Variants in ACSM2B observed in about 807,000 individuals in gnomAD.
ACSM2B encodes acyl-coenzyme A synthetase ACSM2B, mitochondrial.
A neutral mutation model predicts 78.6 loss-of-function variants in ACSM2B; 58 were observed. The observed-to-expected ratio is 0.74, with a 90% confidence interval of 0.60 to 0.92. The LOEUF (loss-of-function observed/expected upper bound fraction) is 0.92. ACSM2B is among the 40% of genes least tolerant of loss of function. The pLI, the probability that ACSM2B is intolerant of heterozygous loss-of-function variation, is 0.00. For missense variants in ACSM2B, 688 were observed against 711.2 expected, an observed-to-expected ratio of 0.97 and a Z score of 0.37; for synonymous variants, 257 against 256.8, an observed-to-expected ratio of 1.00 and a Z score of -0.01.
chr16:20,573,980 C>G (rs1348381946), intron 1 of ACSM2B: 32 of 151,594 alleles, frequency 2.1e-4, no homozygotes, highest in Admixed American at 1.3e-4. Context: ...ACCACTCTGA[C>G]TAGAATTTAC....
rs369786645 is a variant in ACSM2B at position 20,548,032 on chromosome 16, A to C, written c.1098+30T>G. 1.7e-4 allele frequency: 266 copies of C among 1,610,584 alleles called. 3 individuals are homozygous for C. Among genetic ancestry groups the C allele is most frequent in the African/African-American group, 1.5e-3 (116 of 74,842 alleles). ...GAATTTTGAAGCCCAAAAAGTGCAC[A>C]CAGCCCATGGTTCCCCTGGGAACAG... is the stretch of plus-strand genomic sequence containing the variant. On this transcript the variant is annotated intron_variant, in intron 8 of 13. Coordinates refer to ENST00000329697, the MANE Select transcript of ACSM2B (RefSeq NM_001105069.2).
At position 20,570,796 on chromosome 16, in the gene ACSM2B, C is replaced by G. The variant is rs151176728; in HGVS notation, c.-9+5411G>C. On this transcript the variant is annotated intron_variant, in intron 1 of 13. Coordinates refer to ENST00000329697, the MANE Select transcript of ACSM2B (RefSeq NM_001105069.2). ...GCTTTCTAATTCTTCCTGATTTAAG[C>G]TAGGAGGGTTGTATCTTCCCAAGAA... is the stretch of plus-strand genomic sequence containing the variant. 7.5e-3 allele frequency among the ~76,000 whole-genome samples: 1,138 copies of G among 151,912 alleles called. 12 individuals are homozygous for G. The highest frequency in any genetic ancestry group is 0.021 in the East Asian group (106 of 5,166).
At chr16:20,543,343 T>C (rs1342807457) in intron 10 of ACSM2B, 81 bp from the exon 11 acceptor site, 6 of 1,602,670 alleles carry the variant, frequency 3.7e-6, no homozygotes, top group South Asian at 1.1e-5. Flanking sequence ...ACAAATGCTA[T>C]GAGTCTTATT....
intron 5 of ACSM2B, among the ~76,000 whole-genome samples, chr16:20,553,255 C>T (rs1459005757): frequency 3.9e-5 from 6 of 152,144 alleles, no homozygotes; most frequent in African/African-American, 1.4e-4. Flanking sequence ...TGCTTGAATA[C>T]CTTGGCACAG....
chr16:20,567,255 A>G (rs1349070114), intron 1 of ACSM2B, among the ~76,000 whole-genome samples: 1 of 128,038 alleles, frequency 7.8e-6, no homozygotes, highest in African/African-American at 3.0e-5. Flanking sequence ...TATATAATAT[A>G]TAATATATAG....
chr16:20,544,466 A>G (rs1353354080), intron 10 of ACSM2B: 3 of 669,846 alleles, frequency 4.5e-6, no homozygotes, highest in Non-Finnish European at 5.5e-6. Context: ...TTTAAAAATT[A>G]AATGTGTTTA....
At chr16:20,568,103 T>G (rs1161371552) in intron 1 of ACSM2B, among the ~76,000 whole-genome samples, 1 of 143,344 alleles carries the variant, frequency 7.0e-6, no homozygotes, top group Non-Finnish European at 1.5e-5. Context: ...CAGAAGATGA[T>G]ATATATATAC....
intron 1 of ACSM2B, among the ~76,000 whole-genome samples, chr16:20,569,360 G>A (rs1464995296): frequency 6.6e-6 from 1 of 151,914 alleles, no homozygotes; most frequent in East Asian, 1.9e-4. Flanking sequence ...CTTTGTCGAA[G>A]ATAAGTTGAC....
At chr16:20,561,262 T>C (rs558067294) in intron 2 of ACSM2B, among the ~76,000 whole-genome samples, 2 of 151,890 alleles carry the variant, frequency 1.3e-5, no homozygotes, top group East Asian at 3.9e-4. Flanking sequence ...TATCTGACAC[T>C]GGGTAATTTA....
At chr16:20,551,462 A>G (rs529000695) in intron 6 of ACSM2B, among the ~76,000 whole-genome samples, 2 of 152,120 alleles carry the variant, frequency 1.3e-5, no homozygotes, top group African/African-American at 4.8e-5. Context: ...TCTCTCAACC[A>G]TGTGAGAATA....
chr16:20,567,241 G>GTAATATA (rs1163170443), intron 1 of ACSM2B, among the ~76,000 whole-genome samples: 7 of 124,228 alleles, frequency 5.6e-5, no homozygotes, highest in Non-Finnish European at 6.4e-5. Context: ...AATATATAGT[G>GTAATATA]TAATATATAA....
intron 13 of ACSM2B, among the ~76,000 whole-genome samples, chr16:20,537,567 A>G (rs1399918769): frequency 6.6e-6 from 1 of 152,150 alleles, no homozygotes; most frequent in Admixed American, 6.5e-5. Context: ...TATTTGACAT[A>G]TTTTCAGACA....
At chr16:20,572,097 A>AT (rs1567221811) in intron 1 of ACSM2B, among the ~76,000 whole-genome samples, 2 of 151,206 alleles carry the variant, frequency 1.3e-5, no homozygotes, top group Non-Finnish European at 3.0e-5. Flanking sequence ...GTCAGGTACT[A>AT]TTCCATTCAT....
At position 20,537,268 on chromosome 16, in the gene ACSM2B, C is replaced by T. The variant is rs371889197; in HGVS notation, c.1724G>A (p.Arg575His). Reference protein sequence around the residue: ...DKEWKMSGKARAQ With the variant: ...DKEWKMSGKAHAQ ...TGTCTCCTAGACGCCTCACTGCGCA[C>T]GGGCTTTTCCGGACATCTTCCACTC... is the stretch of plus-strand genomic sequence containing the variant. Residue 575 changes from arginine (R) to histidine (H), a missense_variant, in exon 14 of 14, where the codon CGT (arginine) becomes CAT (histidine). Arg to His is a conservative substitution (Grantham distance 29). Transcript: ENST00000329697. The T allele has an allele frequency of 1.1e-4, 184 of 1,614,030 alleles. 2 individuals carry two copies. Among genetic ancestry groups the T allele is most frequent in the South Asian group, 8.6e-4 (78 of 91,074 alleles).
At chr16:20,572,748 T>G (rs2016125256) in intron 1 of ACSM2B, among the ~76,000 whole-genome samples, 1 of 151,876 alleles carries the variant, frequency 6.6e-6, no homozygotes, top group Admixed American at 6.6e-5. Flanking sequence ...AATCCCAAAC[T>G]TCTTGGAGGC....
Position 20,537,343 on chromosome 16 carries a change from A to G in ACSM2B, c.1649T>C (p.Leu550Pro), listed in dbSNP as rs1271908597. Residue 550 changes from leucine to proline, a missense_variant, in exon 14 of 14, where the codon CTG (leucine) becomes CCG (proline). By Grantham distance (98) the Leu-to-Pro change is moderately conservative. Coordinates refer to ENST00000329697, the MANE Select transcript of ACSM2B (RefSeq NM_001105069.2). ...AATTTTCCCTGTGACAGTCTTGGGC[A>G]GGTTCAAGACAAACTCTATCTGTTG... ...YPRKIEFVLN[L>P]PKTVTGKIQR... The G allele has an allele frequency of 1.2e-6, 2 of 1,613,916 alleles. No homozygotes were observed. The highest frequency in any genetic ancestry group is 1.7e-6 in the Non-Finnish European group (2 of 1,179,910).
intron 13 of ACSM2B, among the ~76,000 whole-genome samples, chr16:20,540,444 T>C (rs2014957304): frequency 6.6e-6 from 1 of 152,104 alleles, no homozygotes; most frequent in South Asian, 2.1e-4. Flanking sequence ...GGTTTCACCA[T>C]TTTGGCCAGG....
intron 2 of ACSM2B, among the ~76,000 whole-genome samples, chr16:20,559,996 T>C (rs910081428): frequency 3.3e-5 from 5 of 151,126 alleles, no homozygotes; most frequent in African/African-American, 1.2e-4. Context: ...CTTACTTTTT[T>C]TAATTTTGTG....
At chr16:20,546,715 A>G in intron 8 of ACSM2B, 1 of 553,160 alleles carries the variant, frequency 1.8e-6, no homozygotes, top group Non-Finnish European at 2.8e-6. Context: ...AGGACCTAAC[A>G]ATCACATTAT....
Sources: allele counts gnomAD v4.1 joint callset (sites outside exome capture counted in the v4.1 genomes callset), GRCh38; gene constraint gnomAD v4.1.1; transcripts MANE v1.5; gene names NCBI Gene and HGNC (gene_info 2026-07-23, HGNC 2026-07-21).